Variants in ABCG2 observed in about 807,000 individuals in gnomAD.
ABCG2 encodes ATP binding cassette subfamily G member 2 (JR blood group).
ABCG2 carries 80 observed loss-of-function variants against 73.5 expected under a neutral mutation model. The observed-to-expected ratio is 1.09, with a 90% CI of 0.91 to 1.31. The LOEUF (loss-of-function observed/expected upper bound fraction) is 1.31. ABCG2 is among the 50% of genes most tolerant of loss of function. The pLI is 0.00. For synonymous variants in ABCG2, 269 were observed against 282.4 expected (o/e 0.95, Z 0.48); for missense variants, 796 against 786.2 (o/e 1.01, Z -0.15).
rs781176556 is a variant in ABCG2 at position 88,118,254 on chromosome 4, A to G, written c.696T>C (p.Ser232=). 1 of 1,613,888 alleles carries G rather than the reference A, an allele frequency of 6.2e-7. No homozygotes were observed. Among genetic ancestry groups the G allele is most frequent in the South Asian group, 1.1e-5 (1 of 91,038 alleles). The change falls in exon 7 of 16, where the codon TCT becomes TCC. Residue 232 remains serine, a synonymous_variant. Coordinates refer to ENST00000237612, the MANE Select transcript of ABCG2 (RefSeq NM_004827.3). The stretch of plus-strand genomic sequence containing the variant: ...AGAAGATGATTGTTCGTCCCTGCTT[A>G]GACATCCTAAGTTAAAAGTGAGACA... ...NAVLLLLKRM[S]KQGRTIIFSI... is the part of the protein sequence containing the mutation.
chr4:88,201,881 C>T (rs1446213328), intron 1 of ABCG2: 1 of 152,148 alleles, frequency 6.6e-6, no homozygotes, highest in Non-Finnish European at 1.5e-5. Context: ...CCTGCAAGTT[C>T]ATCAAGATCC....
At chr4:88,146,569 T>C (rs527997481) in intron 1 of ABCG2, among the ~76,000 whole-genome samples, 1 of 152,196 alleles carries the variant, frequency 6.6e-6, no homozygotes, top group Non-Finnish European at 1.5e-5. Flanking sequence ...GATTTTTGTA[T>C]TTTTAGTAGA....
chr4:88,186,214 A>G (rs1299647040), intron 1 of ABCG2, among the ~76,000 whole-genome samples: 1 of 152,238 alleles, frequency 6.6e-6, no homozygotes, highest in Non-Finnish European at 1.5e-5. Context: ...CTGCAACAAT[A>G]TAAATGGAAT....
At chr4:88,173,320 A>G (rs1382576491) in intron 1 of ABCG2, among the ~76,000 whole-genome samples, 2 of 152,306 alleles carry the variant, frequency 1.3e-5, no homozygotes, top group East Asian at 1.9e-4. Context: ...AAAGCAAACT[A>G]CTACACAATT....
At position 88,132,766 on chromosome 4, in the gene ABCG2, T is replaced by C; in HGVS notation, c.204-131A>G. The stretch of plus-strand genomic sequence containing the variant: ...TAGAACACAAGCACAAACCAACTCT[T>C]AAAGAAAACAAACAAACAAAACAGG... On this transcript the variant is annotated intron_variant, in intron 2 of 15. Coordinates refer to ENST00000237612, the MANE Select transcript of ABCG2 (RefSeq NM_004827.3). 3 of 1,023,780 alleles carry C rather than the reference T, an allele frequency of 2.9e-6. No individual in the cohort carries two copies. The Admixed American group carries it at 6.3e-5, about 21-fold the overall frequency. 63.4% of individuals were successfully genotyped at this position (1,023,780 alleles called of 1,614,324 possible). A position where few individuals can be genotyped will look rare whatever the true frequency, so the allele number is the denominator to read the frequency against.
rs148929233 is a variant in ABCG2 at position 88,189,441 on chromosome 4, G to C, written c.-20+41553C>G. ...AGGCAGGAGAATCACTTGAGCCAAG[G>C]AGTTCAAGGCTGCAGTGAGTTATGA... On this transcript the variant is annotated intron_variant, in intron 1 of 15. Transcript: ENST00000515655. Among the ~76,000 whole-genome samples, 385 of 152,128 alleles carry C rather than the reference G, an allele frequency of 2.5e-3. 3 individuals are homozygous for C. Among genetic ancestry groups the C allele is most frequent in the African/African-American group, 8.7e-3 (363 of 41,498 alleles).
chr4:88,171,683 CT>C (rs980897248), intron 1 of ABCG2, among the ~76,000 whole-genome samples: 1 of 151,550 alleles, frequency 6.6e-6, no homozygotes, highest in African/African-American at 2.4e-5. Flanking sequence ...TGCTTGATCT[CT>C]TTTTTTATTA....
At chr4:88,178,596 G>A (rs1345160252) in intron 1 of ABCG2, among the ~76,000 whole-genome samples, 1 of 152,172 alleles carries the variant, frequency 6.6e-6, no homozygotes, top group Non-Finnish European at 1.5e-5. Context: ...GCACAGTGAG[G>A]TAGAGCACCA....
intron 1 of ABCG2, among the ~76,000 whole-genome samples, chr4:88,200,226 G>A (rs879646377): frequency 1.3e-5 from 2 of 152,024 alleles, no homozygotes; most frequent in Non-Finnish European, 2.9e-5. Flanking sequence ...TACTTGGGGG[G>A]CTGAGATGGG....
intron 1 of ABCG2, among the ~76,000 whole-genome samples, chr4:88,228,646 G>T (rs1730321715): frequency 6.6e-6 from 1 of 152,224 alleles, no homozygotes; most frequent in Non-Finnish European, 1.5e-5. Flanking sequence ...GGTTCTGAAA[G>T]GTGAAGCCAG....
At chr4:88,157,933 C>T (rs892418729) in intron 1 of ABCG2, among the ~76,000 whole-genome samples, 2 of 152,150 alleles carry the variant, frequency 1.3e-5, no homozygotes, top group African/African-American at 4.8e-5. Flanking sequence ...TTTAGCAAAC[C>T]ATCCAAAGCT....
chr4:88,097,269 G>A (rs766942212), intron 13 of ABCG2, among the ~76,000 whole-genome samples, 184 bp downstream of exon 13: 18 of 152,150 alleles, frequency 1.2e-4, no homozygotes, highest in Non-Finnish European at 1.2e-4. Context: ...AAAAAAGGTT[G>A]GATAAGGGCA....
intron 1 of ABCG2, among the ~76,000 whole-genome samples, chr4:88,172,366 C>T (rs947223691): frequency 1.4e-4 from 21 of 148,474 alleles, no homozygotes; most frequent in Non-Finnish European, 2.8e-4. Flanking sequence ...CGGAGCTGGG[C>T]GGATCACCTG....
intron 6 of ABCG2, among the ~76,000 whole-genome samples, chr4:88,118,491 GA>G (rs1560679890): frequency 6.6e-6 from 1 of 152,136 alleles, no homozygotes; most frequent in Non-Finnish European, 1.5e-5. Context: ...GAATCAACTA[GA>G]ATAGTTATTA....
intron 1 of ABCG2, among the ~76,000 whole-genome samples, chr4:88,183,391 A>G (rs1728335361): frequency 6.6e-6 from 1 of 152,120 alleles, no homozygotes; most frequent in African/African-American, 2.4e-5. Flanking sequence ...AAGGAGACAC[A>G]ACAACTGATA....
intron 1 of ABCG2, among the ~76,000 whole-genome samples, chr4:88,185,257 G>A (rs377405447): frequency 1.3e-5 from 2 of 152,132 alleles, no homozygotes; most frequent in African/African-American, 4.8e-5. Flanking sequence ...CCAGCTACTC[G>A]TGAGGCTGAG....
chr4:88,193,921 T>A (rs570768127), intron 1 of ABCG2, among the ~76,000 whole-genome samples: 8 of 152,224 alleles, frequency 5.3e-5, no homozygotes, highest in Non-Finnish European at 1.2e-4. Flanking sequence ...ATTTTTGTAT[T>A]TTTAATAGAG....
chr4:88,095,616 A>G lies in ABCG2; in HGVS notation c.1648-7T>C, dbSNP rs530449429. ...CCAACAGACCTGAAAAAATCTACAA[A>G]AAGCAAATACTAAAAGTCAGGCCTG... On this transcript the variant is annotated splice_polypyrimidine_tract_variant and splice_region_variant and intron_variant, in intron 13 of 15. Transcript: ENST00000237612. 1 of 1,612,604 alleles carries G rather than the reference A, an allele frequency of 6.2e-7. No individual in the cohort carries two copies. The highest frequency in any genetic ancestry group is 1.1e-5 in the South Asian group (1 of 91,022).
At position 88,140,578 on chromosome 4, in the gene ABCG2, T is replaced by C. The variant is rs561292601; in HGVS notation, c.-19-564A>G. Among the ~76,000 whole-genome samples, 5 of 152,178 alleles carry C rather than the reference T, an allele frequency of 3.3e-5. No individual in the cohort carries two copies. In the East Asian group the frequency reaches 5.8e-4, roughly 18 times the overall value. The stretch of plus-strand genomic sequence containing the variant: ...CAGAGGTTGCGGTGAGCAGAGATCG[T>C]GCCACTGTACTCCAGCCTGAGCGAT... On this transcript the variant is annotated intron_variant, in intron 1 of 15. Transcript: ENST00000237612.
Sources: gnomAD v4.1 joint callset for allele counts (sites outside exome capture counted in the v4.1 genomes callset) on GRCh38, gnomAD v4.1.1 for gene constraint, MANE v1.5 for transcripts, NCBI Gene and HGNC (gene_info 2026-07-23, HGNC 2026-07-21) for gene names.